TSNARE1: variants seen among roughly 807,000 people sequenced by gnomAD.
The protein encoded by TSNARE1 is t-SNARE domain-containing protein 1.
Under a neutral mutation model 62.0 loss-of-function variants are expected in TSNARE1, and 49 were observed. The ratio of observed to expected loss-of-function variants is 0.79; its 90% CI spans 0.63 to 1.00. The LOEUF (loss-of-function observed/expected upper bound fraction) is 1.00. TSNARE1 is among the 50% of genes least tolerant of loss of function. The pLI, the probability that TSNARE1 is intolerant of heterozygous loss-of-function variation, is 0.00. For missense variants in TSNARE1, 755 were observed against 700.1 expected, an observed-to-expected ratio of 1.08 and a Z score of -0.88; for synonymous variants, 328 against 294.4, an observed-to-expected ratio of 1.11 and a Z score of -1.17.
At chr8:142,398,193 A>G (rs1263881240) in intron 1 of TSNARE1, among the ~76,000 whole-genome samples, 2 of 151,828 alleles carry the variant, frequency 1.3e-5, no homozygotes, top group Non-Finnish European at 1.5e-5. Context: ...GATTCTTCCC[A>G]GGTATCTACC....
intron 1 of TSNARE1, among the ~76,000 whole-genome samples, chr8:142,398,538 C>T (rs1283136599): frequency 1.3e-5 from 2 of 151,284 alleles, no homozygotes; most frequent in Non-Finnish European, 2.9e-5. Flanking sequence ...CTCACTCCAC[C>T]GCCTCAACCT....
chr8:142,351,852 T>C (rs925098834), intron 2 of TSNARE1, among the ~76,000 whole-genome samples: 3 of 152,140 alleles, frequency 2.0e-5, no homozygotes, highest in Admixed American at 1.3e-4. Flanking sequence ...AATTTGTTCT[T>C]CAAACAGAGA....
chr8:142,297,091 G>A (rs1230407413), intron 10 of TSNARE1, among the ~76,000 whole-genome samples: 1 of 152,214 alleles, frequency 6.6e-6, no homozygotes, highest in African/African-American at 2.4e-5. Flanking sequence ...AATGAATGAG[G>A]CAAATCGGGG....
At chr8:142,285,505 G>C (rs549875667) in intron 10 of TSNARE1, among the ~76,000 whole-genome samples, 2 of 148,000 alleles carry the variant, frequency 1.4e-5, no homozygotes, top group East Asian at 4.1e-4. Flanking sequence ...AGGTGGGTGG[G>C]TGGGTAGATG....
intron 9 of TSNARE1, among the ~76,000 whole-genome samples, chr8:142,309,907 GATTTA>G (rs1827298503): frequency 6.6e-6 from 1 of 151,886 alleles, no homozygotes. Context: ...TTAAATTATG[GATTTA>G]ATTTTTTAAT....
chr8:142,310,589 G>A (rs988326928), intron 9 of TSNARE1, among the ~76,000 whole-genome samples: 1 of 152,184 alleles, frequency 6.6e-6, no homozygotes, highest in Non-Finnish European at 1.5e-5. Flanking sequence ...TCTGAAGCAT[G>A]TCTTCCCCAA....
chr8:142,214,690 G>A (rs1815744828), intron 13 of TSNARE1, among the ~76,000 whole-genome samples: 1 of 152,190 alleles, frequency 6.6e-6, no homozygotes, highest in Non-Finnish European at 1.5e-5. Context: ...TAACCCCCAG[G>A]GTGATGCTGT....
intron 1 of TSNARE1, among the ~76,000 whole-genome samples, chr8:142,379,962 G>A (rs980854884): frequency 1.3e-5 from 2 of 152,210 alleles, no homozygotes; most frequent in Admixed American, 6.5e-5. Flanking sequence ...TTCTTGTGCC[G>A]CTGCCCCCAG....
intron 12 of TSNARE1, among the ~76,000 whole-genome samples, chr8:142,255,435 T>C (rs964230662): frequency 2.4e-3 from 67 of 28,020 alleles, no homozygotes; most frequent in Middle Eastern, 0.031. Context: ...CCACCACCAC[T>C]GTCACCATCA....
At chr8:142,274,629 C>T (rs1052783005) in intron 12 of TSNARE1, 152 bp downstream of exon 12, 31 of 1,332,894 alleles carry the variant, frequency 2.3e-5, no homozygotes, top group Middle Eastern at 2.8e-4. Flanking sequence ...CCCTAGGGCA[C>T]GGGCAGCAGA....
chr8:142,239,202 C>T (rs1461517361), intron 12 of TSNARE1, among the ~76,000 whole-genome samples: 1 of 152,218 alleles, frequency 6.6e-6, no homozygotes, highest in Non-Finnish European at 1.5e-5. Flanking sequence ...TCCCACTGAG[C>T]CTCCGCTGCC....
At chr8:142,265,767 C>T (rs964255027) in intron 12 of TSNARE1, among the ~76,000 whole-genome samples, 15 of 152,192 alleles carry the variant, frequency 9.9e-5, no homozygotes, top group Non-Finnish European at 1.9e-4. Context: ...GTCACTTCAG[C>T]GGCAGGCAGT....
chr8:142,277,600 G>A, intron 11 of TSNARE1: 3 of 985,400 alleles, frequency 3.0e-6, no homozygotes, highest in Non-Finnish European at 2.4e-6. Flanking sequence ...GCCCACAAGA[G>A]GAAGTCTGGC....
chr8:142,318,666 C>T (rs1165035756), intron 6 of TSNARE1, 32 bp from the exon 7 acceptor site: 10 of 1,610,824 alleles, frequency 6.2e-6, no homozygotes, highest in Non-Finnish European at 8.5e-6. Context: ...GGAGCGAAGG[C>T]AGGGGAGGAA....
At chr8:142,375,880 G>C (rs1037846030) in intron 1 of TSNARE1, among the ~76,000 whole-genome samples, 2 of 152,190 alleles carry the variant, frequency 1.3e-5, no homozygotes, top group African/African-American at 4.8e-5. Flanking sequence ...CCAACTGATA[G>C]AGATGTGTGG....
chr8:142,267,731 C>A (rs1819209741), intron 12 of TSNARE1, among the ~76,000 whole-genome samples: 1 of 152,200 alleles, frequency 6.6e-6, no homozygotes. Flanking sequence ...CAGAATGCCA[C>A]ATCCTATTTC....
intron 10 of TSNARE1, chr8:142,300,111 C>T (rs1348396952): frequency 5.8e-6 from 1 of 173,236 alleles, no homozygotes; most frequent in East Asian, 1.6e-4. Flanking sequence ...TTACTGGGAA[C>T]TGCATTAAGC....
intron 1 of TSNARE1, among the ~76,000 whole-genome samples, chr8:142,359,137 C>T (rs35860688): frequency 6.6e-6 from 1 of 151,916 alleles, no homozygotes; most frequent in East Asian, 1.9e-4. Context: ...TCCTCCACCC[C>T]GCAACCAGCT....
intron 12 of TSNARE1, among the ~76,000 whole-genome samples, chr8:142,233,601 G>C (rs913694058): frequency 2.2e-4 from 33 of 152,306 alleles, no homozygotes; most frequent in African/African-American, 7.7e-4. Context: ...GGGCAGGGCT[G>C]GTGACCAGGC....
Sources: gnomAD v4.1 joint callset for allele counts (sites outside exome capture counted in the v4.1 genomes callset) on GRCh38, gnomAD v4.1.1 for gene constraint, MANE v1.5 for transcripts, NCBI Gene and HGNC (gene_info 2026-07-23, HGNC 2026-07-21) for gene names.